PLPP4: variants seen among roughly 807,000 people sequenced by gnomAD.
PLPP4 encodes diacylglycerol pyrophosphate like 2.
Under a neutral mutation model 32.2 loss-of-function variants are expected in PLPP4, and 20 were observed. The ratio of observed to expected loss-of-function variants is 0.62; its 90% CI spans 0.44 to 0.90. The LOEUF (loss-of-function observed/expected upper bound fraction) is 0.90, where lower values mean the gene tolerates loss of function less well. Among genes scored for constraint, PLPP4 ranks in the 40% least tolerant of loss-of-function variants. PLPP4 has a pLI of 0.00. For synonymous variants in PLPP4, 127 were observed against 133.0 expected (o/e 0.95, Z 0.31); for missense variants, 257 against 353.1 (o/e 0.73, Z 2.18).
intron 6 of PLPP4, among the ~76,000 whole-genome samples, chr10:120,585,325 C>T (rs966425082): frequency 6.6e-6 from 1 of 152,190 alleles, no homozygotes; most frequent in East Asian, 1.9e-4. Context: ...TATTGCTTTA[C>T]AATTTCTTGG....
At chr10:120,526,679 G>C (rs939453649) in intron 5 of PLPP4, among the ~76,000 whole-genome samples, 1 of 152,204 alleles carries the variant, frequency 6.6e-6, no homozygotes, top group Non-Finnish European at 1.5e-5. Context: ...GCCTCAGATA[G>C]TTAAAACTTC....
At chr10:120,526,737 A>G (rs541908752) in intron 5 of PLPP4, among the ~76,000 whole-genome samples, 2 of 152,294 alleles carry the variant, frequency 1.3e-5, no homozygotes, top group South Asian at 4.1e-4. Context: ...GCTTTGAAGG[A>G]GGGGTGGAAA....
intron 1 of PLPP4, among the ~76,000 whole-genome samples, chr10:120,485,762 C>T (rs550573909): frequency 4.6e-5 from 7 of 152,304 alleles, no homozygotes; most frequent in South Asian, 2.1e-4. Flanking sequence ...AAGAATACAG[C>T]GATGTGAGCT....
At chr10:120,540,873 C>G (rs1564826868) in intron 5 of PLPP4, among the ~76,000 whole-genome samples, 1 of 152,176 alleles carries the variant, frequency 6.6e-6, no homozygotes, top group Non-Finnish European at 1.5e-5. Flanking sequence ...GGAACACCCT[C>G]CAGTGCACTT....
intron 1 of PLPP4, among the ~76,000 whole-genome samples, chr10:120,483,540 T>C (rs1482516244): frequency 1.3e-5 from 2 of 152,214 alleles, no homozygotes; most frequent in African/African-American, 2.4e-5. Context: ...CCATGGGCCT[T>C]GAATCCCTGC....
intron 2 of PLPP4, 73 bp from the exon 3 acceptor site, chr10:120,513,838 G>A (rs989319474): frequency 1.3e-4 from 146 of 1,139,956 alleles, no homozygotes; most frequent in Non-Finnish European, 1.7e-4. Context: ...AAACTAACGG[G>A]AACTAATTAT....
chr10:120,515,894 G>A (rs1845916640), intron 3 of PLPP4, among the ~76,000 whole-genome samples: 1 of 152,160 alleles, frequency 6.6e-6, no homozygotes, highest in African/African-American at 2.4e-5. Flanking sequence ...TCTCACTGAC[G>A]GCTGGCTTTT....
intron 5 of PLPP4, among the ~76,000 whole-genome samples, chr10:120,532,765 A>G (rs572947992): frequency 3.9e-4 from 59 of 152,322 alleles, no homozygotes; most frequent in African/African-American, 1.3e-3. Context: ...TTCACTTGGC[A>G]TAATGTTTTC....
intron 1 of PLPP4, among the ~76,000 whole-genome samples, chr10:120,473,830 A>G (rs1203198718): frequency 1.3e-5 from 2 of 152,076 alleles, no homozygotes; most frequent in African/African-American, 2.4e-5. Flanking sequence ...CCCTTCTGCT[A>G]TGACTGTAAG....
chr10:120,471,278 AC>A (rs1466014861), intron 1 of PLPP4, among the ~76,000 whole-genome samples: 2 of 151,948 alleles, frequency 1.3e-5, no homozygotes, highest in Non-Finnish European at 2.9e-5. Context: ...TGTTATTAAA[AC>A]CAACTTATTA....
intron 4 of PLPP4, among the ~76,000 whole-genome samples, chr10:120,519,615 A>G (rs2420723): frequency 0.96 from 145,790 of 152,074 alleles, 70,078 homozygotes; most frequent in Non-Finnish European, 1. Flanking sequence ...CTCAGGCCTC[A>G]CCCCTCTGAG....
intron 5 of PLPP4, among the ~76,000 whole-genome samples, chr10:120,543,378 C>T (rs541006992): frequency 6.6e-6 from 1 of 152,300 alleles, no homozygotes; most frequent in East Asian, 1.9e-4. Flanking sequence ...TGGCCTGTTA[C>T]CCCTGATAGC....
intron 2 of PLPP4, among the ~76,000 whole-genome samples, chr10:120,508,781 T>A (rs551365971): frequency 5.0e-4 from 76 of 152,342 alleles, no homozygotes; most frequent in African/African-American, 1.7e-3. Context: ...CTCCTCCTGC[T>A]ACTCAAAGGT....
chr10:120,562,777 A>G (rs1247780457), intron 5 of PLPP4, among the ~76,000 whole-genome samples: 1 of 152,174 alleles, frequency 6.6e-6, no homozygotes, highest in Non-Finnish European at 1.5e-5. Context: ...TTGGTTGATA[A>G]TATTCTGTTT....
At chr10:120,491,971 A>G (rs1844744346) in intron 1 of PLPP4, among the ~76,000 whole-genome samples, 1 of 152,344 alleles carries the variant, frequency 6.6e-6, no homozygotes, top group Non-Finnish European at 1.5e-5. Context: ...CATATTTGGT[A>G]TACAAATTTT....
intron 5 of PLPP4, among the ~76,000 whole-genome samples, chr10:120,559,509 G>A (rs181150280): frequency 2.2e-4 from 34 of 152,176 alleles, no homozygotes; most frequent in African/African-American, 7.5e-4. Context: ...ACCAGAATTA[G>A]CATCTTATGC....
At chr10:120,513,640 C>T (rs1845816147) in intron 2 of PLPP4, among the ~76,000 whole-genome samples, 1 of 152,196 alleles carries the variant, frequency 6.6e-6, no homozygotes, top group South Asian at 2.1e-4. Context: ...ATAGACTATT[C>T]TTTTCCATTT....
Position 120,590,957 on chromosome 10 carries a change from C to T in PLPP4, c.*1455C>T, listed in dbSNP as rs1249802341. Among the ~76,000 whole-genome samples the T allele has an allele frequency of 2.0e-5, 3 of 152,004 alleles. No homozygotes were observed. Among genetic ancestry groups the T allele is most frequent in the Admixed American group, 6.6e-5 (1 of 15,260 alleles). On this transcript the variant is annotated 3_prime_UTR_variant, in exon 7 of 7. Transcript: ENST00000398250. The stretch of plus-strand genomic sequence containing the variant: ...CTAATTTTTGTATTTTTAGTAGACA[C>T]GGGGTTTCACCACGTTGGCCAGGCT...
At chr10:120,572,975 A>G (rs2134046539) in intron 5 of PLPP4, among the ~76,000 whole-genome samples, 1 of 152,312 alleles carries the variant, frequency 6.6e-6, no homozygotes, top group Admixed American at 6.5e-5. Flanking sequence ...ATCTATTGGC[A>G]CGGCTCTGAT....
Sources: allele counts gnomAD v4.1 joint callset (sites outside exome capture counted in the v4.1 genomes callset), GRCh38; gene constraint gnomAD v4.1.1; transcripts MANE v1.5; gene names NCBI Gene and HGNC (gene_info 2026-07-23, HGNC 2026-07-21).